Variants in CERS6 observed in about 807,000 individuals in gnomAD.
The protein encoded by CERS6 is ceramide synthase 6, also known as LAG1 homolog, ceramide synthase 6.
In CERS6, 26 loss-of-function variants were observed where a neutral mutation model predicts 56.8. The observed-to-expected ratio is 0.46, with a 90% CI of 0.34 to 0.63. The LOEUF (loss-of-function observed/expected upper bound fraction) is 0.63, where lower values mean the gene tolerates loss of function less well. CERS6 is among the 30% of genes least tolerant of loss of function. The probability of loss-of-function intolerance (pLI) is 0.01; values close to 1 mark genes in which losing one functional copy is unlikely to be tolerated. For missense variants in CERS6, 415 were observed against 467.5 expected, an observed-to-expected ratio of 0.89 and a Z score of 1.04; for synonymous variants, 164 against 173.3, an observed-to-expected ratio of 0.95 and a Z score of 0.42.
intron 1 of CERS6, among the ~76,000 whole-genome samples, chr2:168,538,204 T>A (rs985674769): frequency 2.0e-5 from 3 of 146,440 alleles, no homozygotes; most frequent in African/African-American, 7.7e-5. Context: ...CTTCACATGG[T>A]CCTGAAGAAG....
intron 3 of CERS6, among the ~76,000 whole-genome samples, chr2:168,629,965 C>T (rs571484350): frequency 7.9e-5 from 12 of 151,734 alleles, no homozygotes; most frequent in Non-Finnish European, 1.5e-4. Context: ...TATAGACGCC[C>T]GCCACTAAGC....
chr2:168,765,868 G>C (rs1684718917), intron 9 of CERS6, 120 bp downstream of exon 9: 1 of 895,302 alleles, frequency 1.1e-6, no homozygotes, highest in East Asian at 2.7e-5. Flanking sequence ...TCAGAATTGA[G>C]CAAAAATTGA....
chr2:168,465,054 T>C (rs1428302995), intron 1 of CERS6, among the ~76,000 whole-genome samples: 1 of 152,210 alleles, frequency 6.6e-6, no homozygotes, highest in Non-Finnish European at 1.5e-5. Context: ...AGATTTGAAG[T>C]CAGGGTCTCA....
At chr2:168,602,980 T>C (rs1336983520) in intron 3 of CERS6, among the ~76,000 whole-genome samples, 2 of 152,248 alleles carry the variant, frequency 1.3e-5, no homozygotes, top group Non-Finnish European at 2.9e-5. Flanking sequence ...TTGTGAAATG[T>C]GTAGATTATC....
chr2:168,749,880 G>A (rs75422262), intron 8 of CERS6, among the ~76,000 whole-genome samples: 2,457 of 152,358 alleles, frequency 0.016, 34 homozygotes, highest in Middle Eastern at 0.044. Context: ...CTCCTGCAGA[G>A]CAGGGTTACC....
intron 3 of CERS6, among the ~76,000 whole-genome samples, chr2:168,584,557 A>G (rs938846030): frequency 2.0e-5 from 3 of 151,756 alleles, no homozygotes; most frequent in Admixed American, 1.3e-4. Context: ...TTTTTACACA[A>G]TTTCCCTGTT....
chr2:168,501,911 G>A (rs1694587365), intron 1 of CERS6, among the ~76,000 whole-genome samples: 2 of 152,168 alleles, frequency 1.3e-5, no homozygotes, highest in East Asian at 3.8e-4. Context: ...ATTGGCAAGG[G>A]AAAGCTGCAA....
chr2:168,596,452 A>G (rs1683799076), intron 3 of CERS6, among the ~76,000 whole-genome samples: 1 of 151,906 alleles, frequency 6.6e-6, no homozygotes, highest in Admixed American at 6.6e-5. Flanking sequence ...ACGTAACATG[A>G]GTGGGAAAAT....
intron 1 of CERS6, among the ~76,000 whole-genome samples, chr2:168,543,932 G>C (rs372893231): frequency 8.4e-4 from 128 of 152,200 alleles, no homozygotes; most frequent in African/African-American, 2.9e-3. Flanking sequence ...GAGTAGATGT[G>C]GATATTCAAG....
chr2:168,606,564 A>C (rs1283221042), intron 3 of CERS6: 1 of 152,154 alleles, frequency 6.6e-6, no homozygotes. Flanking sequence ...TTGAGACTTC[A>C]TACTGTGGTC....
At chr2:168,630,119 A>G (rs980964524) in intron 3 of CERS6, among the ~76,000 whole-genome samples, 1 of 151,950 alleles carries the variant, frequency 6.6e-6, no homozygotes, top group African/African-American at 2.4e-5. Flanking sequence ...CCCAGCCCTT[A>G]ACTATTATAC....
intron 4 of CERS6, among the ~76,000 whole-genome samples, chr2:168,680,263 C>T (rs1009143812): frequency 3.3e-5 from 5 of 152,272 alleles, no homozygotes; most frequent in East Asian, 1.9e-4. Context: ...CGTGCACGGT[C>T]ACAGTGGTCT....
intron 3 of CERS6, among the ~76,000 whole-genome samples, chr2:168,566,319 G>GATTCCCTTTTCTTTAGGA (rs1695882337): frequency 6.6e-6 from 1 of 152,156 alleles, no homozygotes; most frequent in Non-Finnish European, 1.5e-5. Flanking sequence ...GACAGCTTAA[G>GATTCCCTTTTCTTTAGGA]ATTCCCTTTT....
intron 4 of CERS6, among the ~76,000 whole-genome samples, chr2:168,657,359 G>A (rs1383467711): frequency 1.3e-5 from 2 of 152,270 alleles, no homozygotes; most frequent in Non-Finnish European, 2.9e-5. Flanking sequence ...CCAGACTCAG[G>A]AGCCCAGCTG....
chr2:168,664,366 C>T (rs1037442241), intron 4 of CERS6, among the ~76,000 whole-genome samples: 18 of 152,174 alleles, frequency 1.2e-4, no homozygotes, highest in African/African-American at 4.3e-4. Flanking sequence ...AGTGGCAGGG[C>T]AGTGAACTGG....
chr2:168,702,919 A>G (rs934983039), intron 6 of CERS6, among the ~76,000 whole-genome samples: 4 of 152,318 alleles, frequency 2.6e-5, no homozygotes, highest in Non-Finnish European at 5.9e-5. Context: ...ACATCTGGCA[A>G]CAGATTAAAT....
chr2:168,620,567 C>T (rs1004877902), intron 3 of CERS6, among the ~76,000 whole-genome samples: 5 of 151,938 alleles, frequency 3.3e-5, no homozygotes, highest in Non-Finnish European at 4.4e-5. Context: ...ATTTTAGTCC[C>T]CATTGTCAGA....
chr2:168,534,606 T>C (rs1253112859), intron 1 of CERS6, among the ~76,000 whole-genome samples: 1 of 152,170 alleles, frequency 6.6e-6, no homozygotes, highest in Non-Finnish European at 1.5e-5. Context: ...CTGCTCCTTC[T>C]TCTGGTATCT....
At chr2:168,616,520 TTAAGG>T (rs1319576097) in intron 3 of CERS6, among the ~76,000 whole-genome samples, 1 of 151,998 alleles carries the variant, frequency 6.6e-6, no homozygotes, top group African/African-American at 2.4e-5. Flanking sequence ...TCACATAAAC[TTAAGG>T]TAAAGGAGTG....
Sources: allele counts gnomAD v4.1 joint callset (sites outside exome capture counted in the v4.1 genomes callset), GRCh38; gene constraint gnomAD v4.1.1; transcripts MANE v1.5; gene names NCBI Gene and HGNC (gene_info 2026-07-23, HGNC 2026-07-21).